Variants in CPLANE1 observed in about 807,000 individuals in gnomAD.
CPLANE1 encodes ciliogenesis and planar polarity effector complex subunit 1, also known as ciliogenesis and planar polarity effector 1.
In CPLANE1, 263 loss-of-function variants were observed where a neutral mutation model predicts 362.5. That is an observed-to-expected ratio of 0.73 (90% confidence interval 0.66 to 0.80). CPLANE1 has a LOEUF of 0.80. Ranked by LOEUF, CPLANE1 falls within the 30% of genes least tolerant of loss-of-function variation. The pLI, the probability that CPLANE1 is intolerant of heterozygous loss-of-function variation, is 0.00. For missense variants in CPLANE1, 3,461 were observed against 3,793.4 expected (o/e 0.91, Z 2.30); for synonymous variants, 1,212 against 1,302.6 (o/e 0.93, Z 1.50).
At chr5:37,235,567 CTTTTTTTTTTTTT>C (rs546612161) in intron 8 of CPLANE1, among the ~76,000 whole-genome samples, 26 of 93,364 alleles carry the variant, frequency 2.8e-4, no homozygotes, top group Admixed American at 7.9e-4. Context: ...TATCTAATTT[CTTTTTTTTTTTTT>C]TTTTTTTTTT....
In CPLANE1 at chr5:37,146,601, G is replaced by T. The variant is rs1438314681; in HGVS notation, c.8461+1580C>A. ...GTGCTTATGTTTTAAAAATGGACCT[G>T]ATCTTTTAGAGATACATACAAAATA... On this transcript the variant is annotated intron_variant, in intron 43 of 52. Coordinates refer to ENST00000651892, the MANE Select transcript of CPLANE1 (RefSeq NM_001384732.1). Among the ~76,000 whole-genome samples the T allele has an allele frequency of 2.6e-5, 4 of 152,152 alleles. No homozygotes were observed. The South Asian group carries it at 6.2e-4, about 24-fold the overall frequency.
rs1400729670 is a variant in CPLANE1, at chr5:37,231,055, A to G, written c.939-6T>C. ...TATCACCTACCCAGTAGGACCTATA[A>G]TAAATAAGAGACAACATGTTTAGAA... On this transcript the variant is annotated splice_polypyrimidine_tract_variant and splice_region_variant and intron_variant, in intron 8 of 52. Transcript: ENST00000651892. The G allele has an allele frequency of 1.3e-6, 2 of 1,510,606 alleles. No individual in the cohort carries two copies. Among genetic ancestry groups the G allele is most frequent in the Non-Finnish European group, 1.8e-6 (2 of 1,128,728 alleles). The allele number at this position is 1,510,606 out of a possible 1,614,324, so 93.6% of individuals were successfully genotyped here.
intron 46 of CPLANE1, among the ~76,000 whole-genome samples, chr5:37,126,142 G>A (rs1764066822): frequency 6.6e-6 from 1 of 152,196 alleles, no homozygotes. Flanking sequence ...TGCTGAGGTG[G>A]GTGGGAGGAT....
At chr5:37,203,409 A>G (rs1789777729) in intron 18 of CPLANE1, among the ~76,000 whole-genome samples, 1 of 152,188 alleles carries the variant, frequency 6.6e-6, no homozygotes, top group South Asian at 2.1e-4. Context: ...TTTTAAAGAT[A>G]TATTTGAATT....
chr5:37,203,812 C>G (rs908027820), intron 18 of CPLANE1, among the ~76,000 whole-genome samples: 2 of 152,212 alleles, frequency 1.3e-5, no homozygotes, highest in African/African-American at 4.8e-5. Flanking sequence ...GCCACTGCGC[C>G]TGGCTTCATG....
intron 46 of CPLANE1, among the ~76,000 whole-genome samples, chr5:37,131,067 T>C (rs1472185580): frequency 1.3e-5 from 2 of 152,230 alleles, no homozygotes; most frequent in Admixed American, 1.3e-4. Flanking sequence ...GTCGAAGAAG[T>C]GATGAGTACT....
At chr5:37,096,546 A>C in the CPLANE1 span, among the ~76,000 whole-genome samples, 2 of 152,238 alleles carry the variant, frequency 1.3e-5, no homozygotes, top group African/African-American at 4.8e-5. Flanking sequence ...AAAAACAAAG[A>C]TAAATAGCTG....
intron 46 of CPLANE1, among the ~76,000 whole-genome samples, chr5:37,138,044 A>G (rs571701684): frequency 1.3e-5 from 2 of 152,036 alleles, no homozygotes; most frequent in Non-Finnish European, 2.9e-5. Flanking sequence ...CGTTCTACAG[A>G]TGTTTATTAG....
rs377667526 is a variant in CPLANE1, at chr5:37,235,715, G to C, written c.938+3142C>G. Reference sequence around the variant, plus strand: ...AGCCTCCTGAGTAGCTGGGATTACAGGGGCACACCATCACACCAGCTAATT... The same window carrying C: ...AGCCTCCTGAGTAGCTGGGATTACACGGGCACACCATCACACCAGCTAATT... On this transcript the variant is annotated intron_variant, in intron 8 of 52. Transcript: ENST00000651892. Among the ~76,000 whole-genome samples, 19 of 151,722 alleles carry C rather than the reference G, an allele frequency of 1.3e-4. No individual in the cohort carries two copies. The East Asian group carries it at 2.5e-3, about 20-fold the overall frequency.
intron 46 of CPLANE1, among the ~76,000 whole-genome samples, chr5:37,132,614 G>A (rs1766277773): frequency 6.6e-6 from 1 of 152,096 alleles, no homozygotes; most frequent in South Asian, 2.1e-4. Flanking sequence ...CCAAAGTGCT[G>A]GGATTACAGG....
chr5:37,140,369 C>T lies in CPLANE1; in HGVS notation c.8633-999G>A, dbSNP rs1311221839. ...CATATTGTTCTATTTAATTTATTAACCTCCAAATCAAGGATTTTATTTTCG... is the reference window on the plus strand; with the variant it reads ...CATATTGTTCTATTTAATTTATTAATCTCCAAATCAAGGATTTTATTTTCG... On this transcript the variant is annotated intron_variant, in intron 44 of 52. Transcript: ENST00000651892. 3 of 981,664 alleles carry T rather than the reference C, an allele frequency of 3.1e-6. No individual in the cohort carries two copies. The African/African-American group carries it at 5.3e-5, about 17-fold the overall frequency. 60.8% of individuals were successfully genotyped at this position (981,664 alleles called of 1,614,324 possible). A position where few individuals can be genotyped will look rare whatever the true frequency, so the allele number is the denominator to read the frequency against.
intron 38 of CPLANE1, among the ~76,000 whole-genome samples, chr5:37,161,667 T>C (rs1776881769): frequency 6.6e-6 from 1 of 152,182 alleles, no homozygotes; most frequent in Non-Finnish European, 1.5e-5. Flanking sequence ...CCATAATATC[T>C]GGACAATGAG....
chr5:37,086,323 T>C, the CPLANE1 span, among the ~76,000 whole-genome samples: 1 of 152,290 alleles, frequency 6.6e-6, no homozygotes, highest in African/African-American at 2.4e-5. Flanking sequence ...CCTCAATAAA[T>C]TTAAGAAAAT....
At chr5:37,199,157 G>T (rs954449764) in intron 19 of CPLANE1, among the ~76,000 whole-genome samples, 1 of 150,842 alleles carries the variant, frequency 6.6e-6, no homozygotes, top group African/African-American at 2.4e-5. Context: ...CTCAAACTAG[G>T]ATGTTCCTGG....
At chr5:37,158,790 ATTT>A (rs11347966) in intron 38 of CPLANE1, among the ~76,000 whole-genome samples, 3 of 138,774 alleles carry the variant, frequency 2.2e-5, no homozygotes, top group African/African-American at 2.7e-5. Flanking sequence ...CATAATTCAC[ATTT>A]TTTTTTTTTT....
intron 38 of CPLANE1, 78 bp downstream of exon 38, chr5:37,162,387 C>T (rs552008881): frequency 2.3e-6 from 2 of 859,242 alleles, no homozygotes; most frequent in African/African-American, 1.7e-5. Flanking sequence ...CTTTAAATCA[C>T]TGTCTTAAAG....
chr5:37,086,647 G>A, the CPLANE1 span, among the ~76,000 whole-genome samples: 3 of 152,274 alleles, frequency 2.0e-5, no homozygotes, highest in East Asian at 1.9e-4. Context: ...GGAGGAAGGC[G>A]ACCAGGTTGA....
rs567886386 is a variant in CPLANE1, at chr5:37,135,846, A to C, written c.8792+2874T>G. ...CTCTGTCTCAAAAAAAAAAACCAACAAAAAACCCAACAGATCTCGTGAAAT... is the reference window on the plus strand; with the variant it reads ...CTCTGTCTCAAAAAAAAAAACCAACCAAAAACCCAACAGATCTCGTGAAAT... On this transcript the variant is annotated intron_variant, in intron 46 of 52. Transcript: ENST00000651892. 1.5e-4 allele frequency among the ~76,000 whole-genome samples: 23 copies of C among 152,028 alleles called. No individual in the cohort carries two copies. In the South Asian group the frequency reaches 4.4e-3, roughly 29 times the overall value.
In CPLANE1 at chr5:37,206,405, G is replaced by A. The variant is rs1790749465; in HGVS notation, c.2941C>T (p.Pro981Ser). 1.3e-6 allele frequency: 2 copies of A among 1,551,182 alleles called. No individual in the cohort carries two copies. The highest frequency in any genetic ancestry group is 8.7e-7 in the Non-Finnish European group (1 of 1,146,528). Residue 981 changes from proline to serine, a missense_variant, in exon 17 of 53, where the codon CCT becomes TCT. Around this residue, in one of 2 missense-constraint regions of CPLANE1, gnomAD observed 3,380 missense variants for 3,666.1 expected, o/e 0.92. Coordinates refer to ENST00000651892, the MANE Select transcript of CPLANE1 (RefSeq NM_001384732.1). Reference protein sequence around the residue: ...IKTEQSFRLIPLQHSKVASVV... With the variant: ...IKTEQSFRLISLQHSKVASVV... ...CTGGCCACCTTAGAGTGTTGCAGAG[G>A]AATAAGTCGAAAGGACTGCTCTGTG... is the stretch of plus-strand genomic sequence containing the variant.
Sources: gnomAD v4.1 joint callset for allele counts (sites outside exome capture counted in the v4.1 genomes callset) on GRCh38, gnomAD v4.1.1 for gene constraint, gnomAD v4.1.1 regional missense constraint, MANE v1.5 for transcripts, NCBI Gene and HGNC (gene_info 2026-07-23, HGNC 2026-07-21) for gene names.